Variants in TMEM106B observed in about 807,000 individuals in gnomAD.
TMEM106B encodes transmembrane protein 106B.
In TMEM106B, 15 loss-of-function variants were observed where a neutral mutation model predicts 31.1. That is an observed-to-expected ratio of 0.48 (90% confidence interval 0.32 to 0.74). The LOEUF (loss-of-function observed/expected upper bound fraction) is 0.74, where lower values mean the gene tolerates loss of function less well. Among genes scored for constraint, TMEM106B ranks in the 30% least tolerant of loss-of-function variants. TMEM106B has a pLI of 0.03. For missense variants in TMEM106B, 283 were observed against 327.3 expected, an observed-to-expected ratio of 0.86 and a Z score of 1.04; for synonymous variants, 126 against 112.5, an observed-to-expected ratio of 1.12 and a Z score of -0.76.
chr7:12,224,280 T>C lies in TMEM106B; in HGVS notation c.336T>C (p.Ala112=), dbSNP rs770095401. Residue 112 remains alanine, a synonymous_variant, in exon 4 of 8, where the codon GCT becomes GCC. Coordinates refer to ENST00000396668, the MANE Select transcript of TMEM106B (RefSeq NM_001134232.2). ...VFVCLLLSGL[A]VFFLFPRSID... ...TCTGTCTACTCCTTTCTGGATTGGC[T>C]GTGTTTTTCCTTTTCCCTCGCTCTA... is the stretch of plus-strand genomic sequence containing the variant. 4.3e-6 allele frequency: 7 copies of C among 1,614,112 alleles called. No individual in the cohort carries two copies. The highest frequency in any genetic ancestry group is 5.9e-6 in the Non-Finnish European group (7 of 1,179,976).
chr7:12,235,717 T>G lies in TMEM106B; in HGVS notation c.*3742T>G. The G allele has an allele frequency of 6.6e-6, 1 of 151,778 alleles. No homozygotes were observed. Among genetic ancestry groups the G allele is most frequent in the Non-Finnish European group, 1.5e-5 (1 of 67,822 alleles). The allele number at this position is 151,778 out of a possible 1,614,324, so 9.4% of individuals were successfully genotyped here. On this transcript the variant is annotated 3_prime_UTR_variant, in exon 8 of 8. Coordinates refer to ENST00000396668, the MANE Select transcript of TMEM106B (RefSeq NM_001134232.2). ...TTAGAATAAACAGTTCTTTATATAA[T>G]AATTATATTTTATTTAAGAAAATAG...
Position 12,240,855 on chromosome 7 carries a change from T to G in TMEM106B, c.*8880T>G, listed in dbSNP as rs947976862. The G allele has an allele frequency of 6.6e-6, 1 of 152,152 alleles. No individual in the cohort carries two copies. The highest frequency in any genetic ancestry group is 1.5e-5 in the Non-Finnish European group (1 of 68,014). The allele number at this position is 152,152 out of a possible 1,614,324, so 9.4% of individuals were successfully genotyped here. On this transcript the variant is annotated 3_prime_UTR_variant, in exon 8 of 8. Coordinates refer to ENST00000396668, the MANE Select transcript of TMEM106B (RefSeq NM_001134232.2). ...GACTGCTCACCTTTCCAGGGACCCCTGAACATTGGCCTAGAGGGTAGTGTA... is the reference window on the plus strand; with the variant it reads ...GACTGCTCACCTTTCCAGGGACCCCGGAACATTGGCCTAGAGGGTAGTGTA...
Position 12,224,218 on chromosome 7 carries a change from C to G in TMEM106B, c.282-8C>G, listed in dbSNP as rs754476920. The G allele has an allele frequency of 8.7e-6, 14 of 1,607,426 alleles. No homozygotes were observed. In the Admixed American group the frequency reaches 2.2e-4, roughly 25 times the overall value. On this transcript the variant is annotated splice_region_variant and splice_polypyrimidine_tract_variant and intron_variant, in intron 3 of 7. Coordinates refer to ENST00000396668, the MANE Select transcript of TMEM106B (RefSeq NM_001134232.2). ...ACATGTACTTAAATACCCTCTTTTC[C>G]TTTTCAGAAAGCTGTATGTGATGGC...
rs541884651 is a variant in TMEM106B, at chr7:12,238,518, T to G, written c.*6543T>G. 1 of 152,274 alleles carries G rather than the reference T, an allele frequency of 6.6e-6. No individual in the cohort carries two copies. Among genetic ancestry groups the G allele is most frequent in the Non-Finnish European group, 1.5e-5 (1 of 68,116 alleles). 9.4% of individuals were successfully genotyped at this position (152,274 alleles called of 1,614,324 possible). ...GGCATCTAGAATGGCAAATCCTTTC[T>G]GGAAGGTTTCAATTTACTTTGCCCA... On this transcript the variant is annotated 3_prime_UTR_variant, in exon 8 of 8. Coordinates refer to ENST00000396668, the MANE Select transcript of TMEM106B (RefSeq NM_001134232.2).
chr7:12,229,827 T>A lies in TMEM106B; in HGVS notation c.582+8T>A, dbSNP rs1175109503. ...CCACTTGATATGAAACAAGTAAGAATCAATCATGAAATACTTTGTAAGAGT... is the reference window on the plus strand; with the variant it reads ...CCACTTGATATGAAACAAGTAAGAAACAATCATGAAATACTTTGTAAGAGT... On this transcript the variant is annotated splice_region_variant and intron_variant, in intron 5 of 7. Transcript: ENST00000396668. The A allele has an allele frequency of 6.3e-7, 1 of 1,597,090 alleles. No individual in the cohort carries two copies. The highest frequency in any genetic ancestry group is 8.5e-7 in the Non-Finnish European group (1 of 1,173,542).
In TMEM106B at chr7:12,239,845, TTAA is replaced by T. The variant is rs1263671666; in HGVS notation, c.*7878_*7880del. On this transcript the variant is annotated 3_prime_UTR_variant, in exon 8 of 8. Coordinates refer to ENST00000396668, the MANE Select transcript of TMEM106B (RefSeq NM_001134232.2). ...CTGATTACAGATCATTAAAATAGGT[TTAA>T]TAATAATGGAAACATTTGAAATATT... 5.9e-5 allele frequency: 9 copies of T among 152,126 alleles called. No homozygotes were observed. In the South Asian group the frequency reaches 1.7e-3, roughly 28 times the overall value. The allele number at this position is 152,126 out of a possible 1,614,324, so 9.4% of individuals were successfully genotyped here.
intron 6 of TMEM106B, 161 bp downstream of exon 6, chr7:12,230,599 T>C (rs2128527605): frequency 3.9e-6 from 2 of 516,938 alleles, no homozygotes; most frequent in South Asian, 3.2e-5. Flanking sequence ...TTTCAACATA[T>C]ATAATATTCA....
rs753522100 is a variant in TMEM106B, at chr7:12,224,308, G to A, written c.364G>A (p.Asp122Asn). 19 of 1,613,670 alleles carry A rather than the reference G, an allele frequency of 1.2e-5. No homozygotes were observed. Among genetic ancestry groups the A allele is most frequent in the African/African-American group, 2.7e-5 (2 of 74,838 alleles). ...GTTTTTCCTTTTCCCTCGCTCTATC[G>A]ACGTGAAATACATTGGTGTAAAATC... ...AVFFLFPRSI[D>N]VKYIGVKSAY... The change falls in exon 4 of 8, where the codon GAC becomes AAC. Residue 122 changes from aspartate (D) to asparagine (N), a missense_variant. Physicochemically the swap from Asp to Asn is conservative, Grantham distance 23. This residue lies in a region of TMEM106B where 201 missense variants were observed against 211.5 expected (regional missense o/e 0.95). Coordinates refer to ENST00000396668, the MANE Select transcript of TMEM106B (RefSeq NM_001134232.2).
rs7797705 is a variant in TMEM106B at position 12,238,147 on chromosome 7, G to A, written c.*6172G>A. The A allele has an allele frequency of 0.5, 77,190 of 153,202 alleles. 20,581 individuals carry two copies. The highest frequency in any genetic ancestry group is 0.66 in the African/African-American group (27,535 of 41,508). The allele number at this position is 153,202 out of a possible 1,614,324, so 9.5% of individuals were successfully genotyped here. ...TCTCAAACCCTGCCTCTGCTTTATC[G>A]ACCATGTTTAAATAATTTTCTAAAT... On this transcript the variant is annotated 3_prime_UTR_variant, in exon 8 of 8. Transcript: ENST00000396668.
rs1309929910 is a variant in TMEM106B, at chr7:12,232,748, A to C, written c.*773A>C. 2 of 152,336 alleles carry C rather than the reference A, an allele frequency of 1.3e-5. No homozygotes were observed. The highest frequency in any genetic ancestry group is 2.9e-5 in the Non-Finnish European group (2 of 67,800). 9.4% of individuals were successfully genotyped at this position (152,336 alleles called of 1,614,324 possible). Reference sequence around the variant, plus strand: ...CTTTTATACAGCTTTAGTAAATGTCAAATAAAGTGGTACAGACTCATTACA... The same window carrying C: ...CTTTTATACAGCTTTAGTAAATGTCCAATAAAGTGGTACAGACTCATTACA... On this transcript the variant is annotated 3_prime_UTR_variant, in exon 8 of 8. Transcript: ENST00000396668.
At chr7:12,229,209 A>G (rs549326317) in intron 4 of TMEM106B, among the ~76,000 whole-genome samples, 1 of 152,144 alleles carries the variant, frequency 6.6e-6, no homozygotes, top group Admixed American at 6.6e-5. Flanking sequence ...GATCCCAGCT[A>G]TTAGTTGTTA....
At chr7:12,218,242 T>C (rs2128524639) in intron 2 of TMEM106B, among the ~76,000 whole-genome samples, 1 of 147,156 alleles carries the variant, frequency 6.8e-6, no homozygotes, top group African/African-American at 2.5e-5. Flanking sequence ...TGTTATACTT[T>C]TTTTTTTTTT....
chr7:12,238,977 T>C lies in TMEM106B; in HGVS notation c.*7002T>C, dbSNP rs1034017949. 2 of 152,172 alleles carry C rather than the reference T, an allele frequency of 1.3e-5. No individual in the cohort carries two copies. The highest frequency in any genetic ancestry group is 4.8e-5 in the African/African-American group (2 of 41,446). 9.4% of individuals were successfully genotyped at this position (152,172 alleles called of 1,614,324 possible). A position where few individuals can be genotyped will look rare whatever the true frequency, so the allele number is the denominator to read the frequency against. ...CACTAAAGAGAGTCAGCCTGTCCTT[T>C]AAAGCTTTAAAGGCAAGCATTGACT... On this transcript the variant is annotated 3_prime_UTR_variant, in exon 8 of 8. Transcript: ENST00000396668.
intron 3 of TMEM106B, among the ~76,000 whole-genome samples, chr7:12,221,443 C>T (rs1396702085): frequency 3.3e-5 from 5 of 152,040 alleles, no homozygotes; most frequent in South Asian, 4.1e-4. Flanking sequence ...AGCAATAAGA[C>T]CAAAGAGATA....
At chr7:12,212,043 T>G (rs73678689) in intron 1 of TMEM106B, among the ~76,000 whole-genome samples, 20,682 of 152,174 alleles carry the variant, frequency 0.14, 1,608 homozygotes, top group African/African-American at 0.19. Context: ...TGGTTACACT[T>G]GTCAGTTCTC....
At chr7:12,221,640 C>A (rs1222880971) in intron 3 of TMEM106B, among the ~76,000 whole-genome samples, 1 of 152,182 alleles carries the variant, frequency 6.6e-6, no homozygotes, top group Non-Finnish European at 1.5e-5. Context: ...TATGATTGCA[C>A]CAGCAAGCCC....
In TMEM106B at chr7:12,243,127, G is replaced by C. The variant is rs943132479; in HGVS notation, c.*11152G>C. ...TATAAATATTGTTACTTTACCACTA[G>C]TGATTTCAATAGTGGCATTGTCACA... is the stretch of plus-strand genomic sequence containing the variant. On this transcript the variant is annotated 3_prime_UTR_variant, in exon 8 of 8. Transcript: ENST00000396668. 4 of 151,906 alleles carry C rather than the reference G, an allele frequency of 2.6e-5. No individual in the cohort carries two copies. Among genetic ancestry groups the C allele is most frequent in the African/African-American group, 9.7e-5 (4 of 41,366 alleles). The allele number at this position is 151,906 out of a possible 1,614,324, so 9.4% of individuals were successfully genotyped here.
At position 12,239,464 on chromosome 7, in the gene TMEM106B, C is replaced by T. The variant is rs1375744477; in HGVS notation, c.*7489C>T. On this transcript the variant is annotated 3_prime_UTR_variant, in exon 8 of 8. Coordinates refer to ENST00000396668, the MANE Select transcript of TMEM106B (RefSeq NM_001134232.2). ...AGTAAGGAAATAGCACTTTTAATTT[C>T]CTTCAAGAACTTTTCCTTTGCCTTC... The T allele has an allele frequency of 6.6e-6, 1 of 152,144 alleles. No individual in the cohort carries two copies. The highest frequency in any genetic ancestry group is 6.5e-5 in the Admixed American group (1 of 15,272). 9.4% of individuals were successfully genotyped at this position (152,144 alleles called of 1,614,324 possible).
chr7:12,221,384 T>C (rs1781785201), intron 3 of TMEM106B, among the ~76,000 whole-genome samples: 1 of 152,172 alleles, frequency 6.6e-6, no homozygotes, highest in African/African-American at 2.4e-5. Flanking sequence ...TTTGGAAATT[T>C]TATACTTAAA....
Sources: gnomAD v4.1 joint callset for allele counts (sites outside exome capture counted in the v4.1 genomes callset) on GRCh38, gnomAD v4.1.1 for gene constraint, gnomAD v4.1.1 regional missense constraint, MANE v1.5 for transcripts, NCBI Gene and HGNC (gene_info 2026-07-23, HGNC 2026-07-21) for gene names.